The following DNM2 variants were observed in gnomAD, a reference collection of about 807,000 sequenced individuals.
DNM2 encodes dynamin 2.
Under a neutral mutation model 99.0 loss-of-function variants are expected in DNM2, and 15 were observed. The ratio of observed to expected loss-of-function variants is 0.15; its 90% CI spans 0.10 to 0.23. The LOEUF (loss-of-function observed/expected upper bound fraction) is 0.23, where lower values mean the gene tolerates loss of function less well. Among genes scored for constraint, DNM2 ranks in the 10% least tolerant of loss-of-function variants. The probability of loss-of-function intolerance (pLI) is 1.00; values close to 1 mark genes in which losing one functional copy is unlikely to be tolerated. For synonymous variants in DNM2, 525 were observed against 481.2 expected (o/e 1.09, Z -1.19); for missense variants, 742 against 1,189.4 (o/e 0.62, Z 5.53).
chr19:10,819,606 G>C (rs1474183047), intron 15 of DNM2, among the ~76,000 whole-genome samples: 1 of 152,138 alleles, frequency 6.6e-6, no homozygotes, highest in Non-Finnish European at 1.5e-5. Flanking sequence ...AGCACAGGCA[G>C]TCAGGCACCT....
At chr19:10,803,062 AC>A (rs778447679) in intron 12 of DNM2, among the ~76,000 whole-genome samples, 1 of 152,080 alleles carries the variant, frequency 6.6e-6, no homozygotes, top group Non-Finnish European at 1.5e-5. Flanking sequence ...GCAAACCCAC[AC>A]CCAGCTCCCC....
At chr19:10,752,385 C>G (rs779948900) in intron 1 of DNM2, among the ~76,000 whole-genome samples, 18 of 152,230 alleles carry the variant, frequency 1.2e-4, no homozygotes, top group Non-Finnish European at 1.9e-4. Context: ...GGGCGTCACT[C>G]CCGCCCTATG....
intron 5 of DNM2, among the ~76,000 whole-genome samples, chr19:10,779,474 TTTTCTTTCTTTC>T (rs1313806747): frequency 1.5e-4 from 18 of 122,436 alleles, no homozygotes; most frequent in African/African-American, 5.5e-4. Context: ...TTATAAGTTT[TTTTCTTTCTTTC>T]TTTCTTTCTT....
chr19:10,736,254 G>A lies in DNM2; in HGVS notation c.161+17851G>A, dbSNP rs1421533326. Among the ~76,000 whole-genome samples, 11 of 145,130 alleles carry A rather than the reference G, an allele frequency of 7.6e-5. 1 individual carries two copies. The highest frequency in any genetic ancestry group is 3.6e-3 in the Middle Eastern group (1 of 276). On this transcript the variant is annotated intron_variant, in intron 1 of 20. Coordinates refer to ENST00000389253, the MANE Select transcript of DNM2 (RefSeq NM_001005361.3). ...CACTCCAGCCTGGGCAACAGAGTGAGACTCTGTCTCAAAAAAAAAAAAAAA... is the reference window on the plus strand; with the variant it reads ...CACTCCAGCCTGGGCAACAGAGTGAAACTCTGTCTCAAAAAAAAAAAAAAA...
intron 1 of DNM2, among the ~76,000 whole-genome samples, chr19:10,735,204 C>A (rs927933462): frequency 6.6e-6 from 1 of 152,008 alleles, no homozygotes; most frequent in African/African-American, 2.4e-5. Flanking sequence ...CCATGCCCGG[C>A]TAATTTTTGT....
At position 10,830,879 on chromosome 19, in the gene DNM2, G is replaced by A. The variant is rs2073324455; in HGVS notation, c.2544-99G>A. 1.4e-6 allele frequency: 2 copies of A among 1,401,494 alleles called. No individual in the cohort carries two copies. The highest frequency in any genetic ancestry group is 4.7e-5 in the Admixed American group (2 of 42,326). The allele number at this position is 1,401,494 out of a possible 1,614,324, so 86.8% of individuals were successfully genotyped here. A position where few individuals can be genotyped will look rare whatever the true frequency, so the allele number is the denominator to read the frequency against. Reference sequence around the variant, plus strand: ...GGTCAGCCTGGGAACACCCTGGGGTGGTGTGTGGGTGGGGGCTGGGTCCTC... The same window carrying A: ...GGTCAGCCTGGGAACACCCTGGGGTAGTGTGTGGGTGGGGGCTGGGTCCTC... On this transcript the variant is annotated intron_variant, in intron 20 of 20. Transcript: ENST00000389253. This position sits in a 1 kb window ranked among gnomAD's most constrained non-coding sequence, Gnocchi z 4.8.
intron 1 of DNM2, among the ~76,000 whole-genome samples, chr19:10,727,474 T>G (rs2069151933): frequency 1.3e-5 from 2 of 152,104 alleles, no homozygotes; most frequent in African/African-American, 2.4e-5. Context: ...CAAGGGATCT[T>G]CCCACTTCAG....
chr19:10,750,299 C>T (rs1290654991), intron 1 of DNM2, among the ~76,000 whole-genome samples: 2 of 151,710 alleles, frequency 1.3e-5, no homozygotes, highest in African/African-American at 2.4e-5. Context: ...GGCAACATAG[C>T]GAGACCCTGT....
chr19:10,749,355 T>C (rs2070112508), intron 1 of DNM2, among the ~76,000 whole-genome samples: 1 of 152,164 alleles, frequency 6.6e-6, no homozygotes, highest in African/African-American at 2.4e-5. Context: ...ACCTGGCACC[T>C]CTCCCATCGC....
intron 1 of DNM2, 197 bp from the exon 2 acceptor site, chr19:10,759,541 T>A (rs2070545014): frequency 1.5e-6 from 1 of 669,422 alleles, no homozygotes; most frequent in Admixed American, 2.2e-5. Flanking sequence ...ACTATGACCT[T>A]CCATGCATAC....
At chr19:10,770,162 C>T (rs964394007) in intron 2 of DNM2, among the ~76,000 whole-genome samples, 4 of 152,186 alleles carry the variant, frequency 2.6e-5, no homozygotes, top group African/African-American at 9.7e-5. Context: ...CGGTGAAACT[C>T]CTCACACTCT....
intron 1 of DNM2, among the ~76,000 whole-genome samples, chr19:10,742,542 G>T (rs897478938): frequency 6.6e-6 from 1 of 152,204 alleles, no homozygotes; most frequent in African/African-American, 2.4e-5. Flanking sequence ...CTGCCGTGAG[G>T]CTGTGGCTGA....
chr19:10,739,201 C>T (rs926129441), intron 1 of DNM2, among the ~76,000 whole-genome samples: 13 of 152,124 alleles, frequency 8.5e-5, no homozygotes, highest in African/African-American at 2.7e-4. Flanking sequence ...AAAAGAAGGA[C>T]GTGTTCCCTT....
At position 10,831,356 on chromosome 19, in the gene DNM2, G is replaced by A; in HGVS notation, c.*309G>A. The A allele has an allele frequency of 8.7e-7, 1 of 1,153,428 alleles. No homozygotes were observed. 71.4% of individuals were successfully genotyped at this position (1,153,428 alleles called of 1,614,324 possible). A position where few individuals can be genotyped will look rare whatever the true frequency, so the allele number is the denominator to read the frequency against. On this transcript the variant is annotated 3_prime_UTR_variant, in exon 21 of 21. Transcript: ENST00000389253. The surrounding 1 kb of genome is among the most constrained non-coding windows in gnomAD (Gnocchi z 4.3). The stretch of plus-strand genomic sequence containing the variant: ...TCCTGAATGAGGGGTCCAGCCTGGG[G>A]GGGACTCTACCAAGGTCTTCTTGGG...
intron 1 of DNM2, among the ~76,000 whole-genome samples, chr19:10,757,496 T>C (rs2145841820): frequency 6.6e-6 from 1 of 152,314 alleles, no homozygotes; most frequent in South Asian, 2.1e-4. Flanking sequence ...TAGGGCCACC[T>C]GCCAGCTGGG....
Position 10,796,298 on chromosome 19 carries a change from C to G in DNM2, c.1196+859C>G. 1 of 1,557,632 alleles carries G rather than the reference C, an allele frequency of 6.4e-7. No homozygotes were observed. The highest frequency in any genetic ancestry group is 8.8e-7 in the Non-Finnish European group (1 of 1,133,852). On this transcript the variant is annotated intron_variant, in intron 9 of 20. Transcript: ENST00000389253. The surrounding 1 kb of genome is among the most constrained non-coding windows in gnomAD (Gnocchi z 5.6). The stretch of plus-strand genomic sequence containing the variant: ...GCGCCTCATTGGCCCCCACTGGTGC[C>G]TTTTCTCCCCATATCGCTTTGTGTC...
intron 2 of DNM2, among the ~76,000 whole-genome samples, chr19:10,771,959 T>C (rs2070994661): frequency 6.6e-6 from 1 of 152,188 alleles, no homozygotes; most frequent in Non-Finnish European, 1.5e-5. Context: ...CTATTCAGTC[T>C]ATAGGAACCC....
intron 13 of DNM2, 129 bp from the exon 14 acceptor site, chr19:10,808,440 C>T: frequency 2.1e-6 from 2 of 952,516 alleles, no homozygotes; most frequent in Admixed American, 3.0e-5. Context: ...GTTTTTTCCC[C>T]TGCTCTTCTC....
In DNM2 at chr19:10,765,018, C is replaced by T. The variant is rs1277958664; in HGVS notation, c.235+5207C>T. The stretch of plus-strand genomic sequence containing the variant: ...TGTCGCCCAGGCTGGAGTGCAGTGG[C>T]GCCATCTCAGCTCACTGCAAGCTCC... On this transcript the variant is annotated intron_variant, in intron 2 of 20. Coordinates refer to ENST00000389253, the MANE Select transcript of DNM2 (RefSeq NM_001005361.3). The surrounding 1 kb of genome is among the most constrained non-coding windows in gnomAD (Gnocchi z 4.4). 1.3e-5 allele frequency among the ~76,000 whole-genome samples: 2 copies of T among 148,982 alleles called. No homozygotes were observed. Among genetic ancestry groups the T allele is most frequent in the Non-Finnish European group, 3.0e-5 (2 of 67,538 alleles).
Sources: gnomAD v4.1 joint callset for allele counts (sites outside exome capture counted in the v4.1 genomes callset) on GRCh38, gnomAD v4.1.1 for gene constraint, Gnocchi (gnomAD v3.1) non-coding constraint, MANE v1.5 for transcripts, NCBI Gene and HGNC (gene_info 2026-07-23, HGNC 2026-07-21) for gene names.